The following IMMP2L variants were observed in gnomAD, a reference collection of about 807,000 sequenced individuals.
IMMP2L encodes the protein mitochondrial inner membrane protease subunit 2.
A neutral mutation model predicts 19.3 loss-of-function variants in IMMP2L; 18 were observed. The ratio of observed to expected loss-of-function variants is 0.93; its 90% confidence interval spans 0.64 to 1.38. The LOEUF (loss-of-function observed/expected upper bound fraction) is 1.38. Among genes scored for constraint, IMMP2L ranks in the 40% most tolerant of loss-of-function variants. IMMP2L has a pLI of 0.00. For missense variants in IMMP2L, 233 were observed against 218.2 expected, an observed-to-expected ratio of 1.07 and a Z score of -0.43; for synonymous variants, 76 against 73.0, an observed-to-expected ratio of 1.04 and a Z score of -0.21.
chr7:111,532,578 T>C (rs2529491), intron 1 of IMMP2L: 106,122 of 151,912 alleles, frequency 0.7, 38,040 homozygotes, highest in African/African-American at 0.85. Context: ...CTCAAAAGAA[T>C]CAGGCCACTA....
chr7:111,358,181 T>C (rs1828905791), intron 3 of IMMP2L, among the ~76,000 whole-genome samples: 1 of 149,578 alleles, frequency 6.7e-6, no homozygotes, highest in Non-Finnish European at 1.5e-5. Context: ...TAGATTTCCC[T>C]TCCTTTCTGG....
intron 3 of IMMP2L, among the ~76,000 whole-genome samples, chr7:111,352,817 GAACT>G (rs1199782213): frequency 1.3e-5 from 2 of 152,076 alleles, no homozygotes; most frequent in African/African-American, 4.8e-5. Flanking sequence ...GGTTTTCAGT[GAACT>G]ATCTGTAGTC....
chr7:111,475,205 C>T (rs1207798102), intron 3 of IMMP2L, among the ~76,000 whole-genome samples: 1 of 151,910 alleles, frequency 6.6e-6, no homozygotes, highest in East Asian at 1.9e-4. Flanking sequence ...AAGGAATAAC[C>T]TTTCATGGGC....
rs537890147 is a variant in IMMP2L, at chr7:110,887,932, T to C, written c.306-1237A>G. ...TCCCTTTGAGACTATTTTTATTAGT[T>C]AGCAATTTGTATGTGTGCAGAATAA... On this transcript the variant is annotated intron_variant, in intron 4 of 5. Coordinates refer to ENST00000405709, the MANE Select transcript of IMMP2L (RefSeq NM_032549.4). Among the ~76,000 whole-genome samples the C allele has an allele frequency of 3.9e-5, 6 of 152,200 alleles. No individual in the cohort carries two copies. In the South Asian group the frequency reaches 1.0e-3, roughly 26 times the overall value.
At chr7:110,677,061 T>C (rs1792355125) in intron 5 of IMMP2L, among the ~76,000 whole-genome samples, 1 of 152,190 alleles carries the variant, frequency 6.6e-6, no homozygotes, top group South Asian at 2.1e-4. Flanking sequence ...CTGGTAACCA[T>C]TTTTTGCTCA....
chr7:111,321,236 T>C (rs1824674704), intron 3 of IMMP2L, among the ~76,000 whole-genome samples: 1 of 151,926 alleles, frequency 6.6e-6, no homozygotes, highest in South Asian at 2.1e-4. Flanking sequence ...AAAGCATCTG[T>C]CCATACAGTG....
chr7:111,424,405 A>T (rs1446337724), intron 3 of IMMP2L, among the ~76,000 whole-genome samples: 1 of 151,784 alleles, frequency 6.6e-6, no homozygotes, highest in African/African-American at 2.4e-5. Flanking sequence ...GTATGAATAA[A>T]AGAGAGAGGC....
At chr7:111,539,271 A>G (rs28473751) in intron 1 of IMMP2L, among the ~76,000 whole-genome samples, 9,563 of 144,630 alleles carry the variant, frequency 0.066, 561 homozygotes, top group African/African-American at 0.12. Flanking sequence ...AGAAAGAAAG[A>G]GAACATACGT....
intron 3 of IMMP2L, among the ~76,000 whole-genome samples, chr7:111,375,616 C>T (rs1830615415): frequency 6.6e-6 from 1 of 151,978 alleles, no homozygotes; most frequent in Non-Finnish European, 1.5e-5. Context: ...ACCTCCACTT[C>T]CCGGGTCAAG....
chr7:110,909,830 C>T (rs886307825), intron 4 of IMMP2L, among the ~76,000 whole-genome samples: 7 of 151,436 alleles, frequency 4.6e-5, no homozygotes, highest in African/African-American at 1.7e-4. Context: ...CTGTACTCTC[C>T]AAGAGAAGGG....
chr7:111,025,807 AT>A (rs1439268650), intron 3 of IMMP2L, among the ~76,000 whole-genome samples: 4 of 152,174 alleles, frequency 2.6e-5, no homozygotes, highest in Admixed American at 6.6e-5. Context: ...AACGAATCTC[AT>A]TTTAACTAAT....
chr7:110,958,039 T>C (rs1283010022), intron 4 of IMMP2L, among the ~76,000 whole-genome samples: 1 of 151,946 alleles, frequency 6.6e-6, no homozygotes, highest in East Asian at 1.9e-4. Flanking sequence ...GCTTTTTAAA[T>C]GAATGGCACT....
chr7:110,982,550 T>C (rs1044779205), intron 3 of IMMP2L, among the ~76,000 whole-genome samples: 1 of 152,112 alleles, frequency 6.6e-6, no homozygotes, highest in Non-Finnish European at 1.5e-5. Flanking sequence ...GAGGTGGTCA[T>C]ACTAGGTCAA....
intron 3 of IMMP2L, among the ~76,000 whole-genome samples, chr7:110,994,676 G>A (rs1822851320): frequency 6.6e-6 from 1 of 152,142 alleles, no homozygotes; most frequent in African/African-American, 2.4e-5. Flanking sequence ...CTGTCTGTGT[G>A]TGAGAGAAAT....
chr7:110,929,068 C>A (rs1815190961), intron 4 of IMMP2L, among the ~76,000 whole-genome samples: 1 of 152,114 alleles, frequency 6.6e-6, no homozygotes, highest in Non-Finnish European at 1.5e-5. Flanking sequence ...AGAAAATTTT[C>A]CTTATGTAAG....
At chr7:111,082,855 C>CAAAAAAAAAA (rs59384730) in intron 3 of IMMP2L, among the ~76,000 whole-genome samples, 76 of 71,134 alleles carry the variant, frequency 1.1e-3, no homozygotes, top group African/African-American at 3.0e-3. Context: ...GCGATTTTGC[C>CAAAAAAAAAA]AAAAAAAAAA....
intron 3 of IMMP2L, among the ~76,000 whole-genome samples, chr7:111,469,993 T>C (rs1186111521): frequency 2.6e-5 from 4 of 151,884 alleles, no homozygotes; most frequent in Non-Finnish European, 5.9e-5. Flanking sequence ...AGGGCTAATA[T>C]CCAGAATCTA....
rs534640125 is a variant in IMMP2L, at chr7:110,663,866, T to G, written c.409-145A>C. 3.1e-4 allele frequency: 166 copies of G among 538,624 alleles called. 1 individual carries two copies. The highest frequency in any genetic ancestry group is 2.8e-3 in the African/African-American group (141 of 50,824). 33.4% of individuals were successfully genotyped at this position (538,624 alleles called of 1,614,324 possible). On this transcript the variant is annotated intron_variant, in intron 5 of 5. Transcript: ENST00000405709. Reference sequence around the variant, plus strand: ...TAAAAAAAATAGTAAACACCTTTTGTAGCCATTGAAATACAAAGAAAAATA... The same window carrying G: ...TAAAAAAAATAGTAAACACCTTTTGGAGCCATTGAAATACAAAGAAAAATA...
intron 2 of IMMP2L, among the ~76,000 whole-genome samples, chr7:111,518,521 T>A (rs2132645967): frequency 6.6e-6 from 1 of 152,234 alleles, no homozygotes; most frequent in African/African-American, 2.4e-5. Context: ...CTCCACACCA[T>A]GCCAACTATT....
Sources: allele counts gnomAD v4.1 joint callset (sites outside exome capture counted in the v4.1 genomes callset), GRCh38; gene constraint gnomAD v4.1.1; transcripts MANE v1.5; gene names NCBI Gene and HGNC (gene_info 2026-07-23, HGNC 2026-07-21).